Variants in PPARD observed in about 807,000 individuals in gnomAD.
The protein encoded by PPARD is peroxisome proliferator-activated receptor delta.
PPARD carries 6 observed loss-of-function variants against 39.5 expected under a neutral mutation model. The ratio of observed to expected loss-of-function variants is 0.15; its 90% CI spans 0.08 to 0.30. The LOEUF is 0.30. Among genes scored for constraint, PPARD ranks in the 10% least tolerant of loss-of-function variants. PPARD has a pLI of 1.00. For missense variants in PPARD, 397 were observed against 596.8 expected (o/e 0.67, Z 3.49); for synonymous variants, 210 against 231.3 (o/e 0.91, Z 0.83).
chr6:35,393,394 T>G (rs182207160), intron 2 of PPARD, among the ~76,000 whole-genome samples: 294 of 152,296 alleles, frequency 1.9e-3, no homozygotes, highest in Non-Finnish European at 1.5e-3. Flanking sequence ...CTAGGTGGGC[T>G]GAGATCCAGA....
At chr6:35,410,885 G>A in intron 2 of PPARD, 102 bp from the exon 3 acceptor site, 1 of 1,229,818 alleles carries the variant, frequency 8.1e-7, no homozygotes, top group Non-Finnish European at 1.0e-6. Flanking sequence ...AGGAGCAGAA[G>A]AACCCCCTCC....
chr6:35,398,332 A>C (rs558341060), intron 2 of PPARD, among the ~76,000 whole-genome samples: 1 of 152,320 alleles, frequency 6.6e-6, no homozygotes, highest in South Asian at 2.1e-4. Context: ...AGAAGTAATT[A>C]GATTCCGTAT....
chr6:35,349,775 C>T (rs1016392893), intron 2 of PPARD, among the ~76,000 whole-genome samples: 10 of 151,310 alleles, frequency 6.6e-5, no homozygotes, highest in Non-Finnish European at 1.0e-4. Flanking sequence ...GAATCTTGCT[C>T]TTGTCACCCA....
chr6:35,380,691 G>A (rs781184798), intron 2 of PPARD, among the ~76,000 whole-genome samples: 7 of 151,858 alleles, frequency 4.6e-5, no homozygotes, highest in Non-Finnish European at 1.0e-4. Flanking sequence ...TGGGGGTCTT[G>A]TTATGTTGCC....
At chr6:35,383,145 G>T (rs890595563) in intron 2 of PPARD, among the ~76,000 whole-genome samples, 2 of 152,128 alleles carry the variant, frequency 1.3e-5, no homozygotes, top group Non-Finnish European at 2.9e-5. Flanking sequence ...CAAGGAAAGG[G>T]GAGAATGGAT....
At chr6:35,375,934 A>C (rs1762788798) in intron 2 of PPARD, among the ~76,000 whole-genome samples, 1 of 152,238 alleles carries the variant, frequency 6.6e-6, no homozygotes, top group African/African-American at 2.4e-5. Flanking sequence ...TAGAGGAAAT[A>C]GTACAATGAA....
chr6:35,355,578 A>AAAGG, intron 2 of PPARD, among the ~76,000 whole-genome samples: 1 of 125,692 alleles, frequency 8.0e-6, no homozygotes, highest in African/African-American at 3.2e-5. Flanking sequence ...AAAAAAAAAA[A>AAAGG]GTGCTTTCTT....
At chr6:35,417,659 G>A (rs1235500356) in intron 3 of PPARD, among the ~76,000 whole-genome samples, 2 of 152,036 alleles carry the variant, frequency 1.3e-5, no homozygotes, top group Admixed American at 6.5e-5. Flanking sequence ...AGCCTCCCGA[G>A]TAGCTGGGAC....
At chr6:35,416,412 A>T (rs1421205644) in intron 3 of PPARD, among the ~76,000 whole-genome samples, 2 of 114,456 alleles carry the variant, frequency 1.7e-5, no homozygotes, top group Non-Finnish European at 3.6e-5. Context: ...AAAAAAAAAC[A>T]CCTTCTTAGC....
chr6:35,423,458 G>A (rs974385114), intron 5 of PPARD, among the ~76,000 whole-genome samples: 25 of 151,532 alleles, frequency 1.6e-4, no homozygotes, highest in Admixed American at 1.3e-3. Flanking sequence ...GCTTGAACCC[G>A]GGAGGCAGAG....
In PPARD at chr6:35,426,109, C is replaced by T; in HGVS notation, c.*30C>T. The T allele has an allele frequency of 1.2e-6, 2 of 1,600,758 alleles. No individual in the cohort carries two copies. The highest frequency in any genetic ancestry group is 1.7e-6 in the Non-Finnish European group (2 of 1,176,792). On this transcript the variant is annotated 3_prime_UTR_variant, in exon 8 of 8. Transcript: ENST00000360694. ...GGCACCCAGGCCTCCCTGCAGACTC[C>T]AATGGGGCCAGCACTGGAGGGGCCC...
At chr6:35,408,763 C>T (rs758605992) in intron 2 of PPARD, among the ~76,000 whole-genome samples, 3 of 152,152 alleles carry the variant, frequency 2.0e-5, no homozygotes, top group Non-Finnish European at 4.4e-5. Flanking sequence ...AAGGTTTTTT[C>T]GTTCTAACTC....
Position 35,425,742 on chromosome 6 carries a change from C to CCGTCCCCTGG in PPARD, c.1079-89_1079-80dup. 5 of 1,545,282 alleles carry CCGTCCCCTGG rather than the reference C, an allele frequency of 3.2e-6. No individual in the cohort carries two copies. The highest frequency in any genetic ancestry group is 4.4e-6 in the Non-Finnish European group (5 of 1,144,852). On this transcript the variant is annotated intron_variant, in intron 7 of 7. Transcript: ENST00000360694. The surrounding 1 kb of genome is among the most constrained non-coding windows in gnomAD (Gnocchi z 4.5). ...GGTCTGTCACGGCCAAGGAGGCCTG[C>CCGTCCCCTGG]CGTCCCCTGGGCCAAGTCACCTCTT...
At chr6:35,355,552 TAAAAAAA>T (rs1171537260) in intron 2 of PPARD, among the ~76,000 whole-genome samples, 127 of 59,406 alleles carry the variant, frequency 2.1e-3, no homozygotes, top group Non-Finnish European at 3.5e-3. Context: ...GCCCTGTCTG[TAAAAAAA>T]AAAAAAAAAA....
Position 35,412,405 on chromosome 6 carries a change from AGCCACAGGC to A in PPARD, c.130+1190_130+1198del, listed in dbSNP as rs1765488264. Among the ~76,000 whole-genome samples the A allele has an allele frequency of 6.6e-6, 1 of 152,208 alleles. No homozygotes were observed. The highest frequency in any genetic ancestry group is 3.2e-3 in the Middle Eastern group (1 of 316). Reference sequence around the variant, plus strand: ...GCTGCTTTCAGCTGCAGGAGATCCTAGCCACAGGCGGTGACTCAGGCAGAGGAGCAAGCC... The same window carrying A: ...GCTGCTTTCAGCTGCAGGAGATCCTAGGTGACTCAGGCAGAGGAGCAAGCC... On this transcript the variant is annotated intron_variant, in intron 3 of 7. Coordinates refer to ENST00000360694, the MANE Select transcript of PPARD (RefSeq NM_006238.5). The surrounding 1 kb of genome is among the most constrained non-coding windows in gnomAD (Gnocchi z 4.1).
chr6:35,385,123 G>A (rs1763532780), intron 2 of PPARD, among the ~76,000 whole-genome samples: 2 of 145,892 alleles, frequency 1.4e-5, no homozygotes, highest in South Asian at 2.2e-4. Context: ...CCACCACCCC[G>A]TCTGGGAGGT....
chr6:35,367,059 C>A (rs887852148), intron 2 of PPARD, among the ~76,000 whole-genome samples: 13 of 152,106 alleles, frequency 8.5e-5, no homozygotes, highest in African/African-American at 3.1e-4. Context: ...GTGGGGGTGA[C>A]TGGGGAGGTG....
At chr6:35,396,533 T>TAA (rs34707184) in intron 2 of PPARD, among the ~76,000 whole-genome samples, 1,964 of 109,952 alleles carry the variant, frequency 0.018, 45 homozygotes, top group African/African-American at 0.044. Flanking sequence ...TTGTTTTTAT[T>TAA]AAAAAAAAAA....
chr6:35,349,060 C>T (rs558871789), intron 2 of PPARD: 2 of 969,370 alleles, frequency 2.1e-6, no homozygotes, highest in South Asian at 4.8e-5. Context: ...GAGTCTCGCT[C>T]TGTCACCCAG....
Sources: allele counts gnomAD v4.1 joint callset (sites outside exome capture counted in the v4.1 genomes callset), GRCh38; gene constraint gnomAD v4.1.1; non-coding constraint Gnocchi (gnomAD v3.1); transcripts MANE v1.5; gene names NCBI Gene and HGNC (gene_info 2026-07-23, HGNC 2026-07-21).